The following UNC13B variants were observed in gnomAD, a reference collection of about 807,000 sequenced individuals.
UNC13B encodes the protein protein unc-13 homolog B.
Under a neutral mutation model 211.0 loss-of-function variants are expected in UNC13B, and 144 were observed. That is an observed-to-expected ratio of 0.68 (90% CI 0.60 to 0.78). The LOEUF is 0.78. Among genes scored for constraint, UNC13B ranks in the 30% least tolerant of loss-of-function variants. The pLI, the probability that UNC13B is intolerant of heterozygous loss-of-function variation, is 0.00. For missense variants in UNC13B, 1,777 were observed against 2,002.0 expected, an observed-to-expected ratio of 0.89 and a Z score of 2.14; for synonymous variants, 709 against 725.8, an observed-to-expected ratio of 0.98 and a Z score of 0.37.
At chr9:35,390,003 TTGG>T in intron 25 of UNC13B, 30 bp downstream of exon 25, 2 of 1,611,216 alleles carry the variant, frequency 1.2e-6, no homozygotes, top group Non-Finnish European at 1.7e-6. Context: ...GCCCTGTCTG[TTGG>T]TGGTTGGTCT....
At chr9:35,283,224 C>G (rs897621043) in intron 7 of UNC13B, among the ~76,000 whole-genome samples, 1 of 152,136 alleles carries the variant, frequency 6.6e-6, no homozygotes, top group African/African-American at 2.4e-5. Context: ...TTAGGCCATA[C>G]ATTTCATGAG....
intron 1 of UNC13B, among the ~76,000 whole-genome samples, chr9:35,196,320 A>G (rs1395013262): frequency 1.3e-5 from 2 of 152,262 alleles, no homozygotes; most frequent in African/African-American, 2.4e-5. Context: ...TGTTCCATGC[A>G]TAGAACTGGC....
intron 7 of UNC13B, among the ~76,000 whole-genome samples, chr9:35,293,089 GT>G (rs1829174268): frequency 6.6e-6 from 1 of 152,044 alleles, no homozygotes; most frequent in Non-Finnish European, 1.5e-5. Context: ...ACTTTTTTCT[GT>G]TTCTCTCCTT....
intron 27 of UNC13B, 84 bp from the exon 28 acceptor site, chr9:35,396,757 A>T: frequency 6.2e-7 from 1 of 1,601,858 alleles, no homozygotes; most frequent in Non-Finnish European, 8.6e-7. Context: ...TGCCATCCCG[A>T]GGACCCCAGT....
chr9:35,402,321 G>A (rs1477875727), intron 37 of UNC13B, among the ~76,000 whole-genome samples: 3 of 142,436 alleles, frequency 2.1e-5, no homozygotes, highest in Admixed American at 1.5e-4. Context: ...TCGCTCTGTC[G>A]CCCAGGCTGG....
Position 35,236,581 on chromosome 9 carries a change from G to C in UNC13B, c.265G>C (p.Asp89His). 1 of 1,613,654 alleles carries C rather than the reference G, an allele frequency of 6.2e-7. No individual in the cohort carries two copies. The highest frequency in any genetic ancestry group is 8.5e-7 in the Non-Finnish European group (1 of 1,179,638). The change falls in exon 4 of 40, where the codon GAT (aspartate) becomes CAT (histidine). Residue 89 changes from aspartate (D) to histidine (H), a missense_variant. Coordinates refer to ENST00000635942, the MANE Select transcript of UNC13B (RefSeq NM_001371189.2). ...TGCGCTGAAGACTATTCGTCAGTCG[G>C]ATGAGGTCAGTCATTGCATTTTCTG... is the stretch of plus-strand genomic sequence containing the variant. ...WIALKTIRQSDEEGPGEWSTL... is the reference protein window; with the variant it reads ...WIALKTIRQSHEEGPGEWSTL...
chr9:35,162,359 A>C, intron 1 of UNC13B, 54 bp downstream of exon 1: 1 of 1,490,980 alleles, frequency 6.7e-7, no homozygotes, highest in Non-Finnish European at 8.9e-7. Flanking sequence ...AGGTCCCCGC[A>C]CCCTTCCAGT....
chr9:35,245,669 A>G (rs1431746202), intron 6 of UNC13B, among the ~76,000 whole-genome samples: 1 of 152,044 alleles, frequency 6.6e-6, no homozygotes, highest in Non-Finnish European at 1.5e-5. Context: ...GTCCCTACAA[A>G]GGACATGAAC....
rs1829900989 is a variant in UNC13B, at chr9:35,305,922, A to G, written c.6518A>G (p.Asn2173Ser). 5.0e-6 allele frequency: 2 copies of G among 398,914 alleles called. No homozygotes were observed. Among genetic ancestry groups the G allele is most frequent in the Middle Eastern group, 6.2e-4 (1 of 1,610 alleles). The allele number at this position is 398,914 out of a possible 1,614,324, so 24.7% of individuals were successfully genotyped here. A position where few individuals can be genotyped will look rare whatever the true frequency, so the allele number is the denominator to read the frequency against. Residue 2173 changes from asparagine to serine, a missense_variant, in exon 9 of 40, where the codon AAC becomes AGC. Transcript: ENST00000635942. ...SFLTGSEKSE[N>S]RASATLPRAK... ...CTCACTGGATCTGAAAAATCTGAGAACAGAGCCTCTGCTACTCTACCAAGA... is the reference window on the plus strand; with the variant it reads ...CTCACTGGATCTGAAAAATCTGAGAGCAGAGCCTCTGCTACTCTACCAAGA...
At chr9:35,255,875 A>T (rs1314803989) in intron 6 of UNC13B, among the ~76,000 whole-genome samples, 1 of 152,182 alleles carries the variant, frequency 6.6e-6, no homozygotes, top group African/African-American at 2.4e-5. Flanking sequence ...CCGGGCAAGA[A>T]GGGGGTCTTT....
Position 35,370,372 on chromosome 9 carries a change from G to A in UNC13B, c.9516G>A (p.Lys3172=), listed in dbSNP as rs148123786. Residue 3172 remains lysine, a synonymous_variant, in exon 13 of 40, where the codon AAG becomes AAA. Transcript: ENST00000635942. ...GCATGCCAGATTTACGCAGAAAGAA[G>A]CCACTGCCACTTGTCAGTGATCTGG... ...IDSMPDLRRK[K]PLPLVSDLSL... is the part of the protein sequence containing the mutation. The A allele has an allele frequency of 3.7e-6, 6 of 1,613,812 alleles. No individual in the cohort carries two copies. Among genetic ancestry groups the A allele is most frequent in the Non-Finnish European group, 5.1e-6 (6 of 1,180,008 alleles).
At chr9:35,245,713 G>A (rs1173368930) in intron 6 of UNC13B, among the ~76,000 whole-genome samples, 1 of 151,992 alleles carries the variant, frequency 6.6e-6, no homozygotes, top group African/African-American at 2.4e-5. Flanking sequence ...GTATTCCATG[G>A]TGTATATGTG....
intron 11 of UNC13B, chr9:35,351,717 G>C: frequency 5.7e-6 from 7 of 1,232,272 alleles, no homozygotes; most frequent in Non-Finnish European, 6.1e-6. Context: ...TTAGCCATTG[G>C]TGGAGATAGA....
At chr9:35,175,556 A>G (rs910649126) in intron 1 of UNC13B, among the ~76,000 whole-genome samples, 5 of 152,288 alleles carry the variant, frequency 3.3e-5, no homozygotes, top group Admixed American at 6.5e-5. Flanking sequence ...GAGGTTTAGG[A>G]AAAAATGAAG....
intron 11 of UNC13B, among the ~76,000 whole-genome samples, chr9:35,355,489 G>A (rs1832968403): frequency 6.6e-6 from 1 of 152,122 alleles, no homozygotes; most frequent in Admixed American, 6.6e-5. Flanking sequence ...CCTTCACTTT[G>A]CATTCAAGGT....
At position 35,220,002 on chromosome 9, in the gene UNC13B, T is replaced by C. The variant is rs1824485088; in HGVS notation, c.23-8013T>C. Among the ~76,000 whole-genome samples the C allele has an allele frequency of 1.3e-5, 2 of 152,206 alleles. 1 individual carries two copies. The highest frequency in any genetic ancestry group is 4.1e-4 in the South Asian group (2 of 4,836). Reference sequence around the variant, plus strand: ...GTTTAATCCATTTATAATTCATAATTGTGTTAGCATGAGGTAAGGGCTTAA... The same window carrying C: ...GTTTAATCCATTTATAATTCATAATCGTGTTAGCATGAGGTAAGGGCTTAA... On this transcript the variant is annotated intron_variant, in intron 1 of 39. Transcript: ENST00000635942.
At chr9:35,365,983 AT>A (rs1236145737) in intron 11 of UNC13B, among the ~76,000 whole-genome samples, 1 of 152,108 alleles carries the variant, frequency 6.6e-6, no homozygotes, top group East Asian at 1.9e-4. Context: ...ATTGTTATCC[AT>A]AACTTCTCCC....
At chr9:35,167,954 T>C (rs1416807231) in intron 1 of UNC13B, among the ~76,000 whole-genome samples, 1 of 151,900 alleles carries the variant, frequency 6.6e-6, no homozygotes, top group Non-Finnish European at 1.5e-5. Flanking sequence ...GGTCTTGCAT[T>C]GTCACCCAGG....
At chr9:35,204,199 G>T (rs1373154898) in intron 1 of UNC13B, among the ~76,000 whole-genome samples, 6 of 152,266 alleles carry the variant, frequency 3.9e-5, no homozygotes, top group Non-Finnish European at 8.8e-5. Flanking sequence ...CAGAGTGCAG[G>T]AGTTGAGGCT....
Sources: gnomAD v4.1 joint callset for allele counts (sites outside exome capture counted in the v4.1 genomes callset) on GRCh38, gnomAD v4.1.1 for gene constraint, MANE v1.5 for transcripts, NCBI Gene and HGNC (gene_info 2026-07-23, HGNC 2026-07-21) for gene names.